Variants in SORCS3 observed in about 807,000 individuals in gnomAD.
The protein encoded by SORCS3 is sortilin related VPS10 domain containing receptor 3.
A neutral mutation model predicts 146.3 loss-of-function variants in SORCS3; 57 were observed. The observed-to-expected ratio is 0.39, with a 90% CI of 0.31 to 0.49. SORCS3 has a LOEUF of 0.49. Among genes scored for constraint, SORCS3 ranks in the 20% least tolerant of loss-of-function variants. The probability of loss-of-function intolerance (pLI) is 0.92; values close to 1 mark genes in which losing one functional copy is unlikely to be tolerated. For synonymous variants in SORCS3, 653 were observed against 618.5 expected (o/e 1.06, Z -0.83); for missense variants, 1,341 against 1,575.5 (o/e 0.85, Z 2.52).
intron 1 of SORCS3, among the ~76,000 whole-genome samples, chr10:104,806,956 A>T (rs571521687): frequency 6.6e-6 from 1 of 152,194 alleles, no homozygotes; most frequent in South Asian, 2.1e-4. Flanking sequence ...TCCATTTTGG[A>T]TGATGACACA....
intron 1 of SORCS3, among the ~76,000 whole-genome samples, chr10:104,823,000 G>A (rs1026604518): frequency 1.3e-5 from 2 of 152,170 alleles, no homozygotes; most frequent in Admixed American, 1.3e-4. Context: ...TGCATTCTGG[G>A]CAAGGTGAGA....
chr10:104,820,333 C>T (rs1453575393), intron 1 of SORCS3, among the ~76,000 whole-genome samples: 4 of 152,126 alleles, frequency 2.6e-5, no homozygotes, highest in Non-Finnish European at 5.9e-5. Flanking sequence ...ATATTGACTT[C>T]TGGTACTACT....
chr10:104,804,749 A>G (rs1243825050), intron 1 of SORCS3, among the ~76,000 whole-genome samples: 2 of 152,208 alleles, frequency 1.3e-5, no homozygotes, highest in African/African-American at 4.8e-5. Flanking sequence ...AGATTTGGAG[A>G]TTTGATACCA....
At chr10:104,867,000 T>C (rs2018466046) in intron 2 of SORCS3, among the ~76,000 whole-genome samples, 1 of 152,186 alleles carries the variant, frequency 6.6e-6, no homozygotes, top group Non-Finnish European at 1.5e-5. Context: ...GATTCATTCC[T>C]AGAAGCCTAC....
intron 1 of SORCS3, among the ~76,000 whole-genome samples, chr10:104,652,710 C>T (rs974816096): frequency 6.6e-6 from 1 of 152,136 alleles, no homozygotes; most frequent in African/African-American, 2.4e-5. Context: ...ATAAAATTCT[C>T]AGATGGGAGT....
At chr10:105,115,819 G>A (rs1337948856) in intron 7 of SORCS3, among the ~76,000 whole-genome samples, 1 of 152,182 alleles carries the variant, frequency 6.6e-6, no homozygotes, top group African/African-American at 2.4e-5. Flanking sequence ...GCTATTTGGA[G>A]ATGTTTTAAA....
chr10:104,776,910 G>A (rs965254035), intron 1 of SORCS3, among the ~76,000 whole-genome samples: 5 of 146,640 alleles, frequency 3.4e-5, no homozygotes, highest in Non-Finnish European at 6.0e-5. Flanking sequence ...GCCCCTCATA[G>A]TTTTACTTTG....
intron 3 of SORCS3, among the ~76,000 whole-genome samples, chr10:104,975,404 TAA>T (rs1336142712): frequency 1.3e-5 from 2 of 151,860 alleles, no homozygotes; most frequent in African/African-American, 4.8e-5. Context: ...CTCAATGAAA[TAA>T]AAGAGGATAC....
chr10:104,702,074 A>G (rs962040268), intron 1 of SORCS3, among the ~76,000 whole-genome samples: 4 of 152,166 alleles, frequency 2.6e-5, no homozygotes, highest in African/African-American at 9.7e-5. Context: ...TGTTCCAATA[A>G]AGCTTTATTT....
chr10:104,835,274 TC>T (rs1430330078), intron 1 of SORCS3, among the ~76,000 whole-genome samples: 1 of 152,146 alleles, frequency 6.6e-6, no homozygotes, highest in African/African-American at 2.4e-5. Flanking sequence ...CTGCAGGCAG[TC>T]CCCGAAGTGT....
chr10:104,785,591 T>TTA (rs1554851153), intron 1 of SORCS3, among the ~76,000 whole-genome samples: 63,858 of 148,030 alleles, frequency 0.43, 13,584 homozygotes, highest in South Asian at 0.47. Flanking sequence ...AAAAATAAAT[T>TTA]AAAAAAAAAA....
At chr10:105,058,561 C>T (rs922848009) in intron 5 of SORCS3, among the ~76,000 whole-genome samples, 1 of 152,134 alleles carries the variant, frequency 6.6e-6, no homozygotes, top group Non-Finnish European at 1.5e-5. Flanking sequence ...TTTTCCAGAG[C>T]TGAAAGAAAC....
intron 14 of SORCS3, among the ~76,000 whole-genome samples, chr10:105,189,504 A>G (rs1205866975): frequency 1.3e-5 from 2 of 152,166 alleles, no homozygotes; most frequent in African/African-American, 4.8e-5. Flanking sequence ...AGCCTGGGAG[A>G]AAAGGCAGTG....
At chr10:105,248,282 C>T (rs561698143) in intron 22 of SORCS3, among the ~76,000 whole-genome samples, 76 of 152,246 alleles carry the variant, frequency 5.0e-4, no homozygotes, top group Non-Finnish European at 6.5e-4. Context: ...GTATGATTCA[C>T]GCTATCCAGG....
At chr10:104,733,225 G>A (rs865865464) in intron 1 of SORCS3, among the ~76,000 whole-genome samples, 2 of 152,078 alleles carry the variant, frequency 1.3e-5, no homozygotes, top group Middle Eastern at 3.4e-3. Flanking sequence ...CTTAGCAGAG[G>A]TGCAGAGAGG....
chr10:105,151,668 A>G (rs1488428457), intron 9 of SORCS3, among the ~76,000 whole-genome samples: 2 of 152,102 alleles, frequency 1.3e-5, no homozygotes, highest in African/African-American at 4.8e-5. Flanking sequence ...TTCCCCTTGC[A>G]AGCCTTGGCA....
At chr10:105,060,516 G>A (rs988463203) in intron 5 of SORCS3, among the ~76,000 whole-genome samples, 2 of 152,102 alleles carry the variant, frequency 1.3e-5, no homozygotes, top group African/African-American at 4.8e-5. Context: ...AGGGTGAAGG[G>A]CAAATTACAC....
intron 1 of SORCS3, among the ~76,000 whole-genome samples, chr10:104,766,162 G>A (rs1393362355): frequency 6.6e-6 from 1 of 152,214 alleles, no homozygotes; most frequent in Non-Finnish European, 1.5e-5. Context: ...GGGGAGTTGG[G>A]ACTAAGTCTG....
chr10:104,759,983 A>T (rs966435718), intron 1 of SORCS3, among the ~76,000 whole-genome samples: 1 of 152,218 alleles, frequency 6.6e-6, no homozygotes, highest in Non-Finnish European at 1.5e-5. Flanking sequence ...GAAGCAAGGG[A>T]CAGCTAGAGA....
Sources: gnomAD v4.1 joint callset for allele counts (sites outside exome capture counted in the v4.1 genomes callset) on GRCh38, gnomAD v4.1.1 for gene constraint, MANE v1.5 for transcripts, NCBI Gene and HGNC (gene_info 2026-07-23, HGNC 2026-07-21) for gene names.